UNC13D: variants seen among roughly 807,000 people sequenced by gnomAD.
UNC13D encodes protein unc-13 homolog D.
In UNC13D, 115 loss-of-function variants were observed where a neutral mutation model predicts 151.7. The observed-to-expected ratio is 0.76, with a 90% CI of 0.65 to 0.88. UNC13D has a LOEUF of 0.88. UNC13D is among the 40% of genes least tolerant of loss of function. The probability of loss-of-function intolerance (pLI) is 0.00; values close to 1 mark genes in which losing one functional copy is unlikely to be tolerated. For synonymous variants in UNC13D, 588 were observed against 612.2 expected, an observed-to-expected ratio of 0.96 and a Z score of 0.58; for missense variants, 1,369 against 1,438.7, an observed-to-expected ratio of 0.95 and a Z score of 0.78.
chr17:75,840,972 A>G lies in UNC13D; in HGVS notation c.599T>C (p.Phe200Ser). ...LEFEDITNAS[F>S]HLDMWDLDTV... is the part of the protein sequence containing the mutation. ...GGTCACTCACCACATGTCCAGATGA[A>G]AGCTCGCATTGGTGATGTCCTCAAA... Residue 200 changes from phenylalanine (F) to serine (S), a missense_variant, in exon 7 of 32, where the codon TTT becomes TCT. Coordinates refer to ENST00000207549, the MANE Select transcript of UNC13D (RefSeq NM_199242.3). The surrounding 1 kb of genome is among the most constrained non-coding windows in gnomAD (Gnocchi z 4.6). The G allele has an allele frequency of 6.2e-7, 1 of 1,613,870 alleles. No individual in the cohort carries two copies.
At chr17:75,831,199 C>T (rs775599612) in intron 26 of UNC13D, 30 bp from the exon 27 acceptor site, 1 of 1,614,120 alleles carries the variant, frequency 6.2e-7, no homozygotes, top group South Asian at 1.1e-5. Flanking sequence ...TGACCCCAGG[C>T]ACCCTCCCAC....
Position 75,838,170 on chromosome 17 carries a change from G to A in UNC13D, c.1056-1252C>T, listed in dbSNP as rs904320100. On this transcript the variant is annotated intron_variant, in intron 12 of 31. Transcript: ENST00000207549. Reference sequence around the variant, plus strand: ...CCAAGTCACAGCCCAGGCCTGAGTCGGCATCCTGCTCCTGTTCCTCCCCTG... The same window carrying A: ...CCAAGTCACAGCCCAGGCCTGAGTCAGCATCCTGCTCCTGTTCCTCCCCTG... Among the ~76,000 whole-genome samples, 6 of 151,486 alleles carry A rather than the reference G, an allele frequency of 4.0e-5. No homozygotes were observed. The East Asian group carries it at 7.7e-4, about 20-fold the overall frequency.
At chr17:75,834,749 A>G (rs534735750) in intron 21 of UNC13D, 33 bp from the exon 22 acceptor site, 1 of 1,603,292 alleles carries the variant, frequency 6.2e-7, no homozygotes, top group East Asian at 2.2e-5. Context: ...GAACTGATCC[A>G]TGGGTGGGGC....
chr17:75,829,523 G>A (rs1017942158), intron 30 of UNC13D: 23 of 181,488 alleles, frequency 1.3e-4, no homozygotes, highest in Admixed American at 1.3e-3. Flanking sequence ...TTGATCTCCT[G>A]ACCTCGTGAT....
Position 75,840,958 on chromosome 17 carries a change from A to G in UNC13D, c.613T>C (p.Trp205Arg). 6.2e-7 allele frequency: 1 copy of G among 1,613,872 alleles called. No individual in the cohort carries two copies. ...ITNASFHLDMWDLDTVESVRQ... is the reference protein window; with the variant it reads ...ITNASFHLDMRDLDTVESVRQ... ...CTAGGGGCAGGCCAGGTCACTCACC[A>G]CATGTCCAGATGAAAGCTCGCATTG... The change falls in exon 7 of 32, where the codon TGG (tryptophan) becomes CGG (arginine). Residue 205 changes from tryptophan (W) to arginine (R), a missense_variant and splice_region_variant. Coordinates refer to ENST00000207549, the MANE Select transcript of UNC13D (RefSeq NM_199242.3). The surrounding 1 kb of genome is among the most constrained non-coding windows in gnomAD (Gnocchi z 4.6).
intron 12 of UNC13D, among the ~76,000 whole-genome samples, chr17:75,838,384 A>T (rs2064923312): frequency 6.6e-6 from 1 of 151,588 alleles, no homozygotes; most frequent in Admixed American, 6.6e-5. Flanking sequence ...ACACCTGACT[A>T]ATTTTTCTAT....
Position 75,842,383 on chromosome 17 carries a change from C to G in UNC13D, c.569+50G>C, listed in dbSNP as rs1336420212. ...ATCTCATTGTCTGGGGCAGACCCTG[C>G]TACCCAGGAAAGACCTGGATAGAGT... On this transcript the variant is annotated intron_variant, in intron 6 of 31. Transcript: ENST00000207549. 1.9e-6 allele frequency: 3 copies of G among 1,581,630 alleles called. No homozygotes were observed. The African/African-American group carries it at 4.0e-5, about 21-fold the overall frequency.
chr17:75,843,576 A>C lies in UNC13D; in HGVS notation c.118-57T>G, dbSNP rs546021942. 3.8e-6 allele frequency: 6 copies of C among 1,596,030 alleles called. No individual in the cohort carries two copies. In the South Asian group the frequency reaches 6.8e-5, roughly 18 times the overall value. The stretch of plus-strand genomic sequence containing the variant: ...GGAGGCCCAGAGCAGGCTCAGATGG[A>C]CAGGAATGGCTCCTCTGAGGCCTGA... On this transcript the variant is annotated intron_variant, in intron 1 of 31. Coordinates refer to ENST00000207549, the MANE Select transcript of UNC13D (RefSeq NM_199242.3).
In UNC13D at chr17:75,831,303, C is replaced by T; in HGVS notation, c.2493G>A (p.Glu831=). 1 of 1,613,670 alleles carries T rather than the reference C, an allele frequency of 6.2e-7. No homozygotes were observed. Among genetic ancestry groups the T allele is most frequent in the East Asian group, 2.2e-5 (1 of 44,874 alleles). ...LWTHTLTVLV[E]AAASQRSSSL... Reference sequence around the variant, plus strand: ...ATGAGCTGCGCTGGGAGGCGGCCGCCTCCACCAGCACTGTGAGTGTGTGGG... The same window carrying T: ...ATGAGCTGCGCTGGGAGGCGGCCGCTTCCACCAGCACTGTGAGTGTGTGGG... Residue 831 remains glutamate, a synonymous_variant, in exon 26 of 32, where the codon GAG becomes GAA. Coordinates refer to ENST00000207549, the MANE Select transcript of UNC13D (RefSeq NM_199242.3).
Position 75,839,922 on chromosome 17 carries a change from G to A in UNC13D, c.972C>T (p.Asp324=), listed in dbSNP as rs368990813. The change falls in exon 12 of 32, where the codon GAC becomes GAT. Residue 324 remains aspartate, a synonymous_variant. Transcript: ENST00000207549. ...TQHEAGSTSW[D]GSLSPQAATV... ...TGGCAGCCTGGGGACTCAGCGACCC[G>A]TCCCAGGAGGTGCTTCCCGCCTGAG... 2.3e-4 allele frequency: 376 copies of A among 1,613,618 alleles called. 1 individual carries two copies. The highest frequency in any genetic ancestry group is 8.2e-4 in the Middle Eastern group (5 of 6,082).
chr17:75,837,425 T>A (rs1206934517), intron 12 of UNC13D, among the ~76,000 whole-genome samples: 1 of 151,822 alleles, frequency 6.6e-6, no homozygotes. Flanking sequence ...GAGATCTTTG[T>A]GATTTTAAAA....
chr17:75,842,977 C>T, intron 4 of UNC13D, 37 bp downstream of exon 4: 2 of 1,612,982 alleles, frequency 1.2e-6, no homozygotes, highest in Non-Finnish European at 1.7e-6. Context: ...GCTTCCCAGG[C>T]CCCTCCTTGC....
chr17:75,842,386 C>T (rs778317478), intron 6 of UNC13D, 47 bp downstream of exon 6: 2 of 1,584,938 alleles, frequency 1.3e-6, no homozygotes, highest in Non-Finnish European at 8.6e-7. Flanking sequence ...GACCCTGCTA[C>T]CCAGGAAAGA....
rs766308300 is a variant in UNC13D, at chr17:75,833,088, T to C, written c.2368-43A>G. ...GAGCAGGTGTGGCTCCGGCCCATGT[T>C]GGCCCCACCCCCATCCCCTTCCCCT... On this transcript the variant is annotated intron_variant, in intron 24 of 31. Transcript: ENST00000207549. The surrounding 1 kb of genome is among the most constrained non-coding windows in gnomAD (Gnocchi z 4.0). 1.3e-6 allele frequency: 2 copies of C among 1,560,546 alleles called. No individual in the cohort carries two copies. Among genetic ancestry groups the C allele is most frequent in the East Asian group, 4.6e-5 (2 of 43,368 alleles).
chr17:75,828,761 C>A, intron 31 of UNC13D, 26 bp downstream of exon 31: 1 of 1,507,194 alleles, frequency 6.6e-7, no homozygotes, highest in Non-Finnish European at 8.9e-7. Context: ...CGTCCCCGCA[C>A]CACCCTGCCC....
chr17:75,828,711 A>G, intron 31 of UNC13D, 76 bp downstream of exon 31: 1 of 1,401,542 alleles, frequency 7.1e-7, no homozygotes, highest in Non-Finnish European at 9.3e-7. Flanking sequence ...CGACCCTGGC[A>G]TCACCTCTCT....
At chr17:75,841,132 T>TC (rs1411355071) in intron 6 of UNC13D, 131 bp from the exon 7 acceptor site, 2 of 493,420 alleles carry the variant, frequency 4.1e-6, no homozygotes, top group Admixed American at 3.5e-5. Context: ...CCCAGCCGCA[T>TC]CCCTTTTTTT....
Position 75,840,018 on chromosome 17 carries a change from C to T in UNC13D, c.951G>A (p.Glu317=), listed in dbSNP as rs755977025. 1.6e-5 allele frequency: 26 copies of T among 1,613,512 alleles called. No individual in the cohort carries two copies. The highest frequency in any genetic ancestry group is 2.0e-5 in the Non-Finnish European group (24 of 1,179,980). Residue 317 remains glutamate, a splice_region_variant and synonymous_variant, in exon 11 of 32, where the codon GAG becomes GAA. Transcript: ENST00000207549. This position sits in a 1 kb window ranked among gnomAD's most constrained non-coding sequence, Gnocchi z 4.6. ...GCGCCCAGCCCCAGGAGGGCAATAC[C>T]TCGTGCTGGGTGACCTCGTGGGACA... ...QLVSHEVTQH[E]AGSTSWDGSL...
At chr17:75,830,547 C>T (rs1409637436) in intron 28 of UNC13D, 31 bp downstream of exon 28, 2 of 1,570,280 alleles carry the variant, frequency 1.3e-6, no homozygotes, top group Non-Finnish European at 1.7e-6. Context: ...CCAGGGCCTG[C>T]AGAGGGCGCA....
Sources: allele counts gnomAD v4.1 joint callset (sites outside exome capture counted in the v4.1 genomes callset), GRCh38; gene constraint gnomAD v4.1.1; non-coding constraint Gnocchi (gnomAD v3.1); transcripts MANE v1.5; gene names NCBI Gene and HGNC (gene_info 2026-07-23, HGNC 2026-07-21).